The following OSBPL8 variants were observed in gnomAD, a reference collection of about 807,000 sequenced individuals.
The protein encoded by OSBPL8 is oxysterol-binding protein-related protein 8.
In OSBPL8, 59 loss-of-function variants were observed where a neutral mutation model predicts 125.5. The ratio of observed to expected loss-of-function variants is 0.47; its 90% CI spans 0.38 to 0.58. The LOEUF is 0.58. OSBPL8 is among the 20% of genes least tolerant of loss of function. The probability of loss-of-function intolerance (pLI) is 0.00; values close to 1 mark genes in which losing one functional copy is unlikely to be tolerated. For missense variants in OSBPL8, 758 were observed against 1,047.8 expected (o/e 0.72, Z 3.82); for synonymous variants, 330 against 338.9 (o/e 0.97, Z 0.29).
At chr12:76,446,709 G>A (rs941080909) in intron 4 of OSBPL8, among the ~76,000 whole-genome samples, 4 of 151,904 alleles carry the variant, frequency 2.6e-5, no homozygotes, top group African/African-American at 9.7e-5. Flanking sequence ...TTATATCAGC[G>A]ATCATGTGTG....
intron 1 of OSBPL8, among the ~76,000 whole-genome samples, chr12:76,509,419 T>C (rs1388288640): frequency 6.6e-6 from 1 of 152,196 alleles, no homozygotes; most frequent in Non-Finnish European, 1.5e-5. Context: ...TGAGAGATTA[T>C]ATACATGTGA....
intron 4 of OSBPL8, among the ~76,000 whole-genome samples, chr12:76,413,174 A>G (rs1868303211): frequency 6.6e-6 from 1 of 152,226 alleles, no homozygotes; most frequent in Admixed American, 6.5e-5. Flanking sequence ...ACATAAATGT[A>G]TAACAGAGAA....
chr12:76,457,993 G>T (rs922130588), intron 3 of OSBPL8, among the ~76,000 whole-genome samples: 1 of 152,168 alleles, frequency 6.6e-6, no homozygotes, highest in African/African-American at 2.4e-5. Flanking sequence ...GAAGCTTGGT[G>T]CAGTGGCTCA....
At chr12:76,553,518 TA>T (rs1280234523) in intron 1 of OSBPL8, among the ~76,000 whole-genome samples, 1 of 148,676 alleles carries the variant, frequency 6.7e-6, no homozygotes, top group Non-Finnish European at 1.5e-5. Context: ...AAAAAAAACT[TA>T]AAAATTAGCC....
intron 3 of OSBPL8, among the ~76,000 whole-genome samples, chr12:76,453,761 TG>T (rs1873694653): frequency 6.6e-6 from 1 of 152,018 alleles, no homozygotes; most frequent in East Asian, 1.9e-4. Flanking sequence ...TATCATAAAC[TG>T]AAAAGGCACA....
At chr12:76,546,249 T>G (rs1006505815) in intron 1 of OSBPL8, among the ~76,000 whole-genome samples, 2 of 152,286 alleles carry the variant, frequency 1.3e-5, no homozygotes, top group Non-Finnish European at 1.5e-5. Flanking sequence ...ATGAAGAAGC[T>G]CCTCCAAAAT....
chr12:76,386,691 A>T (rs73137003), intron 12 of OSBPL8, 31 bp from the exon 13 acceptor site: 355,137 of 1,496,806 alleles, frequency 0.24, 45,975 homozygotes, highest in Non-Finnish European at 0.27. Flanking sequence ...CAAAAATTTT[A>T]AAAAATGTAT....
intron 2 of OSBPL8, among the ~76,000 whole-genome samples, chr12:76,465,076 C>T (rs1209360766): frequency 1.3e-5 from 2 of 152,064 alleles, no homozygotes; most frequent in African/African-American, 4.8e-5. Flanking sequence ...TATACTTGTG[C>T]ACATTTTACC....
chr12:76,535,925 G>T (rs1470416468), intron 1 of OSBPL8, among the ~76,000 whole-genome samples: 1 of 152,092 alleles, frequency 6.6e-6, no homozygotes, highest in Non-Finnish European at 1.5e-5. Context: ...GGGGACTGAT[G>T]GAAAGTTCTA....
intron 21 of OSBPL8, among the ~76,000 whole-genome samples, chr12:76,367,930 CATTT>C (rs1565830115): frequency 2.0e-5 from 3 of 152,266 alleles, no homozygotes; most frequent in Middle Eastern, 6.8e-3. Context: ...ATTTTTCATT[CATTT>C]ATTTTTTAAG....
chr12:76,497,280 T>G (rs979021427), intron 1 of OSBPL8, among the ~76,000 whole-genome samples: 22 of 152,084 alleles, frequency 1.4e-4, no homozygotes, highest in Non-Finnish European at 3.2e-4. Flanking sequence ...TGCAACTACT[T>G]AGTTCTGATG....
At chr12:76,520,760 A>C (rs1319441451) in intron 1 of OSBPL8, among the ~76,000 whole-genome samples, 1 of 152,178 alleles carries the variant, frequency 6.6e-6, no homozygotes, top group East Asian at 1.9e-4. Flanking sequence ...GGAGGAATGA[A>C]AGAAAAAAAA....
intron 4 of OSBPL8, among the ~76,000 whole-genome samples, chr12:76,413,850 A>T (rs1321174220): frequency 6.6e-6 from 1 of 151,990 alleles, no homozygotes; most frequent in Non-Finnish European, 1.5e-5. Context: ...GTCCTTTGCC[A>T]AATGTATTTG....
intron 1 of OSBPL8, among the ~76,000 whole-genome samples, chr12:76,491,213 T>C (rs1047532014): frequency 6.6e-6 from 1 of 152,332 alleles, no homozygotes; most frequent in South Asian, 2.1e-4. Flanking sequence ...GAATACTACA[T>C]AAATTTAGTT....
intron 1 of OSBPL8, among the ~76,000 whole-genome samples, chr12:76,511,715 G>C (rs1021562884): frequency 9.2e-5 from 14 of 152,178 alleles, no homozygotes; most frequent in African/African-American, 2.9e-4. Context: ...CTGTGCAGAA[G>C]CTCTTAAGCT....
chr12:76,422,688 A>C (rs1268426817), intron 4 of OSBPL8: 1 of 452,098 alleles, frequency 2.2e-6, no homozygotes, highest in Non-Finnish European at 4.5e-6. Flanking sequence ...ATGCTCACCC[A>C]AAGGCTAATT....
At chr12:76,454,401 A>C (rs1873766307) in intron 3 of OSBPL8, among the ~76,000 whole-genome samples, 1 of 152,328 alleles carries the variant, frequency 6.6e-6, no homozygotes, top group East Asian at 1.9e-4. Flanking sequence ...GTAAAATGTT[A>C]ATTACAGCCA....
At chr12:76,405,655 A>G (rs556577420) in intron 5 of OSBPL8, among the ~76,000 whole-genome samples, 1 of 152,296 alleles carries the variant, frequency 6.6e-6, no homozygotes, top group South Asian at 2.1e-4. Flanking sequence ...TCTGTAATAC[A>G]AAAAGGAATG....
intron 1 of OSBPL8, among the ~76,000 whole-genome samples, chr12:76,524,701 T>G (rs1950118093): frequency 6.6e-6 from 1 of 150,936 alleles, no homozygotes. Flanking sequence ...TTTTTTTTTT[T>G]GAGACGGAGT....
Sources: allele counts gnomAD v4.1 joint callset (sites outside exome capture counted in the v4.1 genomes callset), GRCh38; gene constraint gnomAD v4.1.1; transcripts MANE v1.5; gene names NCBI Gene and HGNC (gene_info 2026-07-23, HGNC 2026-07-21).